Variants in NFYA observed in about 807,000 individuals in gnomAD.
The protein encoded by NFYA is nuclear transcription factor Y subunit alpha.
Under a neutral mutation model 52.8 loss-of-function variants are expected in NFYA, and 28 were observed. That is an observed-to-expected ratio of 0.53 (90% confidence interval 0.39 to 0.73). NFYA has a LOEUF of 0.73. Ranked by LOEUF, NFYA falls within the 30% of genes least tolerant of loss-of-function variation. The pLI is 0.00. For missense variants in NFYA, 234 were observed against 427.0 expected (o/e 0.55, Z 3.98); for synonymous variants, 150 against 150.7 (o/e 1.00, Z 0.03).
chr6:41,097,797 C>T lies in NFYA; in HGVS notation c.*387C>T, dbSNP rs1764401883. ...CTGCAATCAGGAAAGCAGCAGCCCA[C>T]TCCTTCCCATGGAATCTAGACAGCA... On this transcript the variant is annotated 3_prime_UTR_variant, in exon 10 of 10. Transcript: ENST00000341376. 1 of 182,340 alleles carries T rather than the reference C, an allele frequency of 5.5e-6. No individual in the cohort carries two copies. The allele number at this position is 182,340 out of a possible 1,614,324, so 11.3% of individuals were successfully genotyped here. A position where few individuals can be genotyped will look rare whatever the true frequency, so the allele number is the denominator to read the frequency against.
chr6:41,092,179 T>C (rs1056449977), intron 7 of NFYA, among the ~76,000 whole-genome samples: 1 of 151,908 alleles, frequency 6.6e-6, no homozygotes, highest in Non-Finnish European at 1.5e-5. Context: ...TTAAAATGCA[T>C]AAATTAAGAA....
intron 9 of NFYA, among the ~76,000 whole-genome samples, chr6:41,096,078 A>G (rs1194102696): frequency 6.6e-6 from 1 of 152,186 alleles, no homozygotes; most frequent in East Asian, 1.9e-4. Flanking sequence ...TATACAGTAC[A>G]TGGTTAAAGT....
At chr6:41,083,727 A>G (rs556725172) in intron 3 of NFYA, among the ~76,000 whole-genome samples, 4 of 152,186 alleles carry the variant, frequency 2.6e-5, no homozygotes, top group Admixed American at 1.3e-4. Flanking sequence ...TAAACAGGCA[A>G]CTAACCTTGC....
rs1304555841 is a variant in NFYA at position 41,079,778 on chromosome 6, GA to G, written c.75+621del. Among the ~76,000 whole-genome samples, 3 of 151,992 alleles carry G rather than the reference GA, an allele frequency of 2.0e-5. No individual in the cohort carries two copies. The East Asian group carries it at 5.8e-4, about 29-fold the overall frequency. On this transcript the variant is annotated intron_variant, in intron 2 of 9. Transcript: ENST00000341376. ...TTTCACTTTTTTCCCCACCCCAGAA[GA>G]AAAAAATGTATTATGTTTCTATTTG...
chr6:41,090,422 CAAA>C, intron 6 of NFYA, 113 bp downstream of exon 6: 22 of 449,320 alleles, frequency 4.9e-5, no homozygotes, highest in South Asian at 9.4e-5. Context: ...ATTTTTTGGA[CAAA>C]AAAAAAAAAG....
chr6:41,100,618 G>C lies in NFYA; in HGVS notation c.*3208G>C, dbSNP rs967420347. On this transcript the variant is annotated 3_prime_UTR_variant, in exon 10 of 10. Transcript: ENST00000341376. ...AGTATTTGATAGCTTTAGTCAAACT[G>C]TGCTTGAGTTTGGCTTAGATTTATG... is the stretch of plus-strand genomic sequence containing the variant. Among the ~76,000 whole-genome samples the C allele has an allele frequency of 1.3e-5, 2 of 152,228 alleles. No homozygotes were observed. Among genetic ancestry groups the C allele is most frequent in the African/African-American group, 4.8e-5 (2 of 41,458 alleles).
At chr6:41,087,753 AT>A (rs577814571) in intron 4 of NFYA, among the ~76,000 whole-genome samples, 4 of 152,130 alleles carry the variant, frequency 2.6e-5, no homozygotes, top group Non-Finnish European at 5.9e-5. Flanking sequence ...TGAAAATAGG[AT>A]TTTGTACACC....
In NFYA at chr6:41,091,656, G is replaced by A; in HGVS notation, c.676G>A (p.Val226Met). Residue 226 changes from valine to methionine, a missense_variant, in exon 7 of 10, where the codon GTG becomes ATG. By Grantham distance (21) the Val-to-Met change is conservative (BLOSUM62 1). This residue lies in a region of NFYA where 81 missense variants were observed against 210.5 expected (regional missense o/e 0.38). Coordinates refer to ENST00000341376, the MANE Select transcript of NFYA (RefSeq NM_002505.5). ...GQGTVTVTLP[V>M]AGNVVNSGGM... ...AGGGACTGTCACTGTGACACTACCA[G>A]TGGCAGGCAATGTGGTCAATTCAGG... 6.2e-7 allele frequency: 1 copy of A among 1,614,206 alleles called. No homozygotes were observed. The highest frequency in any genetic ancestry group is 8.5e-7 in the Non-Finnish European group (1 of 1,180,020).
chr6:41,092,787 C>T lies in NFYA; in HGVS notation c.715-125C>T, dbSNP rs537696834. 2.0e-5 allele frequency: 18 copies of T among 884,354 alleles called. No individual in the cohort carries two copies. In the East Asian group the frequency reaches 2.1e-4, roughly 10 times the overall value. The allele number at this position is 884,354 out of a possible 1,614,324, so 54.8% of individuals were successfully genotyped here. On this transcript the variant is annotated intron_variant, in intron 7 of 9. Transcript: ENST00000341376. ...AATTTCTCCAGGGATCCGCATTTAC[C>T]CAAGTACCCTATAAAAATTACTTTT...
In NFYA at chr6:41,094,501, G is replaced by C. The variant is rs1381389598; in HGVS notation, c.990+4G>C. On this transcript the variant is annotated splice_donor_region_variant and intron_variant, in intron 9 of 9. Coordinates refer to ENST00000341376, the MANE Select transcript of NFYA (RefSeq NM_002505.5). Reference sequence around the variant, plus strand: ...AAAGGATAGTCCCCATATGCAGGTAGGAAGACATATACATTTTATTCTTCT... The same window carrying C: ...AAAGGATAGTCCCCATATGCAGGTACGAAGACATATACATTTTATTCTTCT... 1 of 1,607,388 alleles carries C rather than the reference G, an allele frequency of 6.2e-7. No homozygotes were observed. Among genetic ancestry groups the C allele is most frequent in the Non-Finnish European group, 8.5e-7 (1 of 1,173,752 alleles).
chr6:41,076,038 G>A (rs1199600046), intron 1 of NFYA, among the ~76,000 whole-genome samples: 2 of 152,160 alleles, frequency 1.3e-5, no homozygotes, highest in African/African-American at 2.4e-5. Context: ...TTCATCAAGC[G>A]TCTATCAGGA....
chr6:41,081,630 T>G lies in NFYA; in HGVS notation c.162+733T>G, dbSNP rs1763908801. Among the ~76,000 whole-genome samples the G allele has an allele frequency of 6.6e-5, 10 of 152,378 alleles. No homozygotes were observed. The South Asian group carries it at 2.1e-3, about 32-fold the overall frequency. On this transcript the variant is annotated intron_variant, in intron 3 of 9. Coordinates refer to ENST00000341376, the MANE Select transcript of NFYA (RefSeq NM_002505.5). ...ACATAAACTAGGCTAGGCTGTGCTT[T>G]ATTTTTATTCAAGGGGCAACTCAAC... is the stretch of plus-strand genomic sequence containing the variant.
At chr6:41,094,174 T>A (rs1407261247) in intron 8 of NFYA, among the ~76,000 whole-genome samples, 1 of 152,194 alleles carries the variant, frequency 6.6e-6, no homozygotes, top group African/African-American at 2.4e-5. Context: ...TAAAAAAAAT[T>A]CATACTATAA....
chr6:41,079,621 A>G (rs951884862), intron 2 of NFYA, among the ~76,000 whole-genome samples: 4 of 152,206 alleles, frequency 2.6e-5, no homozygotes, highest in Admixed American at 6.5e-5. Flanking sequence ...TTAGACAGCC[A>G]TTCTTATGGA....
intron 4 of NFYA, among the ~76,000 whole-genome samples, chr6:41,088,630 C>T (rs1229073953): frequency 7.9e-5 from 12 of 151,912 alleles, no homozygotes; most frequent in Non-Finnish European, 1.5e-5. Context: ...GTTGCCTAGG[C>T]TGGAATGCAG....
chr6:41,081,697 T>C (rs1325977174), intron 3 of NFYA, among the ~76,000 whole-genome samples: 4 of 152,184 alleles, frequency 2.6e-5, no homozygotes, highest in African/African-American at 9.7e-5. Flanking sequence ...ATCTAAGCAC[T>C]GAATCTTGTT....
intron 4 of NFYA, among the ~76,000 whole-genome samples, chr6:41,084,976 AT>A (rs1306542262): frequency 6.6e-5 from 10 of 152,198 alleles, no homozygotes; most frequent in Non-Finnish European, 1.3e-4. Flanking sequence ...AAAAGAAGAG[AT>A]TAACAGAAAT....
At chr6:41,092,808 C>G in intron 7 of NFYA, 104 bp from the exon 8 acceptor site, 2 of 1,223,298 alleles carry the variant, frequency 1.6e-6, no homozygotes, top group Non-Finnish European at 2.3e-6. Flanking sequence ...ATAAAAATTA[C>G]TTTTTGTGGC....
At chr6:41,076,824 A>G (rs563890471) in intron 1 of NFYA, among the ~76,000 whole-genome samples, 1 of 152,342 alleles carries the variant, frequency 6.6e-6, no homozygotes, top group Non-Finnish European at 1.5e-5. Flanking sequence ...ACTGAAGCTC[A>G]CAGTAGTAGG....
Sources: gnomAD v4.1 joint callset for allele counts (sites outside exome capture counted in the v4.1 genomes callset) on GRCh38, gnomAD v4.1.1 for gene constraint, gnomAD v4.1.1 regional missense constraint, MANE v1.5 for transcripts, NCBI Gene and HGNC (gene_info 2026-07-23, HGNC 2026-07-21) for gene names.